The following MPP7 variants were observed in gnomAD, a reference collection of about 807,000 sequenced individuals.
MPP7 encodes MAGUK p55 subfamily member 7.
A neutral mutation model predicts 76.5 loss-of-function variants in MPP7; 60 were observed. The observed-to-expected ratio is 0.78, with a 90% CI of 0.64 to 0.97. The LOEUF (loss-of-function observed/expected upper bound fraction) is 0.97. Ranked by LOEUF, MPP7 falls within the 50% of genes least tolerant of loss-of-function variation. The pLI is 0.00. For missense variants in MPP7, 641 were observed against 694.0 expected (o/e 0.92, Z 0.86); for synonymous variants, 237 against 244.5 (o/e 0.97, Z 0.29).
chr10:28,129,883 C>T (rs1008769197), intron 6 of MPP7, among the ~76,000 whole-genome samples: 2 of 152,138 alleles, frequency 1.3e-5, no homozygotes, highest in African/African-American at 2.4e-5. Context: ...CCACTGTTCT[C>T]AAGGAAGCAA....
rs755354833 is a variant in MPP7 at position 28,125,098 on chromosome 10, A to C, written c.448-7T>G. The C allele has an allele frequency of 8.7e-6, 14 of 1,613,448 alleles. No individual in the cohort carries two copies. The highest frequency in any genetic ancestry group is 3.3e-4 in the Middle Eastern group (2 of 6,056). Reference sequence around the variant, plus strand: ...CCTTCTTAATGGTAGCTCCCTTTTAAGACAAAAACAAAAAGCATTTGTGGG... The same window carrying C: ...CCTTCTTAATGGTAGCTCCCTTTTACGACAAAAACAAAAAGCATTTGTGGG... On this transcript the variant is annotated splice_polypyrimidine_tract_variant and splice_region_variant and intron_variant, in intron 6 of 16. Transcript: ENST00000683449.
chr10:28,100,485 C>T (rs1359137435), intron 11 of MPP7, among the ~76,000 whole-genome samples: 1 of 151,978 alleles, frequency 6.6e-6, no homozygotes, highest in Non-Finnish European at 1.5e-5. Flanking sequence ...TAGTCAGCTT[C>T]CGTATTGATC....
At chr10:28,313,763 C>T (rs576496213) in intron 2 of MPP7, among the ~76,000 whole-genome samples, 5 of 151,964 alleles carry the variant, frequency 3.3e-5, no homozygotes, top group East Asian at 3.9e-4. Flanking sequence ...CTTGGCTCAC[C>T]GCAGCCTGAA....
chr10:28,153,073 G>A (rs966422035), intron 3 of MPP7, among the ~76,000 whole-genome samples: 2 of 152,058 alleles, frequency 1.3e-5, no homozygotes, highest in Non-Finnish European at 2.9e-5. Flanking sequence ...GGCCAACATG[G>A]TGAAACCTCA....
At chr10:28,203,397 A>G (rs763060860) in intron 2 of MPP7, among the ~76,000 whole-genome samples, 2 of 151,714 alleles carry the variant, frequency 1.3e-5, no homozygotes, top group Admixed American at 6.6e-5. Context: ...CAAAGGCATT[A>G]GGTACCATAT....
intron 5 of MPP7, among the ~76,000 whole-genome samples, chr10:28,136,535 A>G (rs1835359647): frequency 6.6e-6 from 1 of 152,222 alleles, no homozygotes; most frequent in South Asian, 2.1e-4. Context: ...TACACAGATG[A>G]TAAACTGGAT....
At chr10:28,253,509 C>A (rs1486970438) in intron 1 of MPP7, among the ~76,000 whole-genome samples, 1 of 152,178 alleles carries the variant, frequency 6.6e-6, no homozygotes, top group African/African-American at 2.4e-5. Context: ...TGTGCTAACA[C>A]TATTTCAACA....
intron 13 of MPP7, among the ~76,000 whole-genome samples, chr10:28,063,641 C>T (rs1308829653): frequency 6.6e-6 from 1 of 152,012 alleles, no homozygotes; most frequent in African/African-American, 2.4e-5. Context: ...AGATCAGCAG[C>T]GGCATTAGGT....
At chr10:28,127,534 A>AT in intron 6 of MPP7, among the ~76,000 whole-genome samples, 1 of 152,270 alleles carries the variant, frequency 6.6e-6, no homozygotes, top group East Asian at 1.9e-4. Context: ...AGCAAATCAC[A>AT]TTTTACATGG....
intron 11 of MPP7, among the ~76,000 whole-genome samples, chr10:28,102,087 CTGCAATTCA>C (rs60321616): frequency 0.26 from 39,712 of 151,732 alleles, 7,291 homozygotes; most frequent in East Asian, 0.88. Context: ...GTGTAAATTT[CTGCAATTCA>C]TGCAATTCAT....
intron 3 of MPP7, among the ~76,000 whole-genome samples, chr10:28,175,802 C>T (rs1836840594): frequency 6.6e-6 from 1 of 152,050 alleles, no homozygotes; most frequent in Non-Finnish European, 1.5e-5. Flanking sequence ...TCCCTGAGCC[C>T]TCTCCATGGG....
rs968052901 is a variant in MPP7 at position 28,280,866 on chromosome 10, C to T, written c.-132+21995G>A. On this transcript the variant is annotated intron_variant, in intron 1 of 16. Transcript: ENST00000683449. ...TGGGCATGTGCCTGGCAAAGCAATA[C>T]AGGGTGCCAATTTAGACAAAAAGAG... 3.8e-4 allele frequency among the ~76,000 whole-genome samples: 58 copies of T among 151,988 alleles called. 1 individual carries two copies. Among genetic ancestry groups the T allele is most frequent in the African/African-American group, 1.4e-3 (56 of 41,274 alleles).
intron 4 of MPP7, 27 bp downstream of exon 4, chr10:28,149,955 C>G (rs777013870): frequency 2.4e-5 from 39 of 1,596,000 alleles, no homozygotes; most frequent in Non-Finnish European, 3.3e-5. Flanking sequence ...CAGACACATC[C>G]CAGTGAGCTC....
At chr10:28,185,407 C>T (rs1195705765) in intron 3 of MPP7, among the ~76,000 whole-genome samples, 1 of 151,984 alleles carries the variant, frequency 6.6e-6, no homozygotes, top group African/African-American at 2.4e-5. Flanking sequence ...TCTGGAAGCA[C>T]AGAAAAGTAC....
chr10:28,294,824 CA>C (rs1378801693), intron 1 of MPP7, among the ~76,000 whole-genome samples: 1 of 152,200 alleles, frequency 6.6e-6, no homozygotes, highest in African/African-American at 2.4e-5. Flanking sequence ...CACTTACATT[CA>C]CAACAAAATA....
intron 11 of MPP7, among the ~76,000 whole-genome samples, chr10:28,109,848 C>CAAAAAAAAAAAAAA (rs869206744): frequency 6.8e-4 from 13 of 19,220 alleles, no homozygotes; most frequent in East Asian, 2.6e-3. Flanking sequence ...GCCGCAGACG[C>CAAAAAAAAAAAAAA]AAAAAAAAAA....
At chr10:28,245,998 T>G (rs1399639240) in intron 1 of MPP7, among the ~76,000 whole-genome samples, 4 of 151,632 alleles carry the variant, frequency 2.6e-5, no homozygotes, top group Admixed American at 2.0e-4. Flanking sequence ...TGGGACACCA[T>G]CAAGCAGATG....
intron 2 of MPP7, among the ~76,000 whole-genome samples, chr10:28,219,831 A>G (rs1309298769): frequency 6.6e-6 from 1 of 152,048 alleles, no homozygotes. Context: ...CAAGCTTTAA[A>G]TTTTCCACTT....
chr10:28,267,338 T>C (rs1452628313), intron 1 of MPP7, among the ~76,000 whole-genome samples: 1 of 152,234 alleles, frequency 6.6e-6, no homozygotes, highest in Non-Finnish European at 1.5e-5. Context: ...TTGCTGCCTT[T>C]AGATGCTGGG....
Sources: gnomAD v4.1 joint callset for allele counts (sites outside exome capture counted in the v4.1 genomes callset) on GRCh38, gnomAD v4.1.1 for gene constraint, MANE v1.5 for transcripts, NCBI Gene and HGNC (gene_info 2026-07-23, HGNC 2026-07-21) for gene names.